The following NT5DC3 variants were observed in gnomAD, a reference collection of about 807,000 sequenced individuals.
The protein encoded by NT5DC3 is 5'-nucleotidase domain-containing protein 3.
A neutral mutation model predicts 67.8 loss-of-function variants in NT5DC3; 42 were observed. The ratio of observed to expected loss-of-function variants is 0.62; its 90% confidence interval spans 0.48 to 0.80. NT5DC3 has a LOEUF of 0.80. Ranked by LOEUF, NT5DC3 falls within the 30% of genes least tolerant of loss-of-function variation. The pLI, the probability that NT5DC3 is intolerant of heterozygous loss-of-function variation, is 0.00. For synonymous variants in NT5DC3, 237 were observed against 255.6 expected (o/e 0.93, Z 0.69); for missense variants, 570 against 696.4 (o/e 0.82, Z 2.04).
At chr12:103,757,947 G>A in the NT5DC3 span, 1 of 593,222 alleles carries the variant, frequency 1.7e-6, no homozygotes, top group South Asian at 2.2e-5. Context: ...GTGGAGGATG[G>A]GCTGTGACGT....
At chr12:103,798,836 A>T (rs1487310847) in intron 4 of NT5DC3, among the ~76,000 whole-genome samples, 159 bp from the exon 5 acceptor site, 1 of 152,270 alleles carries the variant, frequency 6.6e-6, no homozygotes, top group Non-Finnish European at 1.5e-5. Flanking sequence ...ATCAGGTAAG[A>T]TGCTACTATG....
intron 1 of NT5DC3, among the ~76,000 whole-genome samples, chr12:103,825,950 A>C (rs571175872): frequency 2.0e-5 from 3 of 152,330 alleles, no homozygotes; most frequent in African/African-American, 2.4e-5. Flanking sequence ...CATGAAGTAA[A>C]TACTACAATC....
intron 1 of NT5DC3, among the ~76,000 whole-genome samples, chr12:103,824,524 C>T (rs1404411093): frequency 2.6e-5 from 4 of 152,224 alleles, no homozygotes; most frequent in East Asian, 1.9e-4. Context: ...ACCTGACTCA[C>T]GCTGGGCCAC....
At chr12:103,789,106 T>C (rs1236830730) in intron 9 of NT5DC3, 187 bp from the exon 10 acceptor site, 5 of 551,856 alleles carry the variant, frequency 9.1e-6, no homozygotes, top group Non-Finnish European at 1.6e-5. Context: ...AAGCCCAGTA[T>C]CCAAAGGTGT....
the NT5DC3 span, chr12:103,761,402 G>A: frequency 6.2e-7 from 1 of 1,613,346 alleles, no homozygotes; most frequent in Non-Finnish European, 8.5e-7. Flanking sequence ...AGCACCCCCT[G>A]CCCCCGTGGT....
the NT5DC3 span, among the ~76,000 whole-genome samples, chr12:103,760,797 T>G: frequency 1.3e-5 from 2 of 152,252 alleles, no homozygotes; most frequent in Admixed American, 1.3e-4. Flanking sequence ...TTTAGACTAG[T>G]GTCTCTCAAA....
At chr12:103,748,852 G>C in the NT5DC3 span, 15 of 1,122,698 alleles carry the variant, frequency 1.3e-5, 2 homozygotes, top group Admixed American at 5.3e-5. Context: ...AACACGCAGG[G>C]GCCCATTTAC....
the NT5DC3 span, chr12:103,759,032 C>A: frequency 6.3e-7 from 1 of 1,592,442 alleles, no homozygotes; most frequent in South Asian, 1.1e-5. Flanking sequence ...GCAGGAAAGC[C>A]TAGGCCATGA....
intron 1 of NT5DC3, among the ~76,000 whole-genome samples, chr12:103,835,314 T>C (rs981812235): frequency 2.6e-5 from 4 of 152,166 alleles, no homozygotes; most frequent in African/African-American, 7.2e-5. Flanking sequence ...AAAAGCCTCA[T>C]GAATGACCCC....
chr12:103,838,079 G>A (rs181445291), intron 1 of NT5DC3, among the ~76,000 whole-genome samples: 96 of 152,250 alleles, frequency 6.3e-4, no homozygotes, highest in African/African-American at 2.0e-3. Flanking sequence ...CTTACATGGC[G>A]GCAGCAAGAG....
the NT5DC3 span, chr12:103,761,469 C>T: frequency 6.9e-7 from 1 of 1,451,776 alleles, no homozygotes; most frequent in Non-Finnish European, 9.6e-7. Context: ...CACTCACCAA[C>T]AGGCAAACCA....
chr12:103,797,590 T>A (rs570761209), intron 5 of NT5DC3, among the ~76,000 whole-genome samples: 1 of 152,240 alleles, frequency 6.6e-6, no homozygotes, highest in South Asian at 2.1e-4. Context: ...CCCCAGAGTC[T>A]AATCACCCTT....
chr12:103,799,479 C>A (rs1886467710), intron 4 of NT5DC3, among the ~76,000 whole-genome samples: 1 of 152,216 alleles, frequency 6.6e-6, no homozygotes, highest in African/African-American at 2.4e-5. Context: ...TTGCCTGCCA[C>A]CATGTAAAGC....
Position 103,785,964 on chromosome 12 carries a change from A to G in NT5DC3, c.1189-489T>C, listed in dbSNP as rs551543936. ...TTTCCATTCCAAATGCTGTCACCCC[A>G]TATTTGACAACAGGCCAGAATATCT... On this transcript the variant is annotated intron_variant, in intron 11 of 13. Coordinates refer to ENST00000392876, the MANE Select transcript of NT5DC3 (RefSeq NM_001031701.3). 4.5e-4 allele frequency among the ~76,000 whole-genome samples: 68 copies of G among 152,096 alleles called. No homozygotes were observed. The Middle Eastern group carries it at 0.014, about 31-fold the overall frequency.
intron 4 of NT5DC3, 132 bp downstream of exon 4, chr12:103,806,190 T>C: frequency 3.0e-6 from 2 of 674,196 alleles, no homozygotes; most frequent in South Asian, 1.7e-5. Flanking sequence ...ACAAATGCTC[T>C]TGAGTAAGTG....
At chr12:103,797,147 A>T in intron 5 of NT5DC3, 116 bp from the exon 6 acceptor site, 1 of 1,107,422 alleles carries the variant, frequency 9.0e-7, no homozygotes, top group African/African-American at 1.6e-5. Context: ...TCCCATCATC[A>T]ACACAAAAAA....
the NT5DC3 span, among the ~76,000 whole-genome samples, chr12:103,749,952 A>G: frequency 1.3e-5 from 2 of 150,746 alleles, no homozygotes; most frequent in Non-Finnish European, 3.0e-5. Flanking sequence ...GTGGTTCTAG[A>G]GTCAGATTGC....
intron 13 of NT5DC3, among the ~76,000 whole-genome samples, chr12:103,778,552 C>CA (rs1159203410): frequency 3.4e-5 from 5 of 149,058 alleles, no homozygotes; most frequent in Non-Finnish European, 6.0e-5. Flanking sequence ...AACAAACAAA[C>CA]AAAAAAAACA....
intron 1 of NT5DC3, among the ~76,000 whole-genome samples, chr12:103,825,242 T>C (rs574386895): frequency 6.0e-4 from 92 of 152,354 alleles, no homozygotes; most frequent in African/African-American, 2.1e-3. Flanking sequence ...ACATGACATT[T>C]ATACTACTCC....
Sources: allele counts gnomAD v4.1 joint callset (sites outside exome capture counted in the v4.1 genomes callset), GRCh38; gene constraint gnomAD v4.1.1; transcripts MANE v1.5; gene names NCBI Gene and HGNC (gene_info 2026-07-23, HGNC 2026-07-21).